The following PLEC variants were observed in gnomAD, a reference collection of about 807,000 sequenced individuals.
PLEC encodes the protein plectin.
PLEC carries 216 observed loss-of-function variants against 392.8 expected under a neutral mutation model. That is an observed-to-expected ratio of 0.55 (90% CI 0.49 to 0.62). The LOEUF (loss-of-function observed/expected upper bound fraction) is 0.62, where lower values mean the gene tolerates loss of function less well. Among genes scored for constraint, PLEC ranks in the 20% least tolerant of loss-of-function variants. The pLI is 0.00. For missense variants in PLEC, 6,863 were observed against 6,563.4 expected, an observed-to-expected ratio of 1.05 and a Z score of -1.58; for synonymous variants, 3,621 against 2,980.6, an observed-to-expected ratio of 1.21 and a Z score of -7.00.
At position 143,921,574 on chromosome 8, in the gene PLEC, G is replaced by A. The variant is rs782598726; in HGVS notation, c.8247C>T (p.Thr2749=). The part of the protein sequence containing the change: ...LLDPVRNRRL[T]VNEAVKEGVV... ...CACCCTCCTTCACAGCCTCGTTGAC[G>A]GTCAGCCGCCGGTTCCGCACAGGGT... is the stretch of plus-strand genomic sequence containing the variant. Residue 2749 remains threonine, a synonymous_variant, in exon 32 of 32, where the codon ACC becomes ACT. Transcript: ENST00000345136. 32 of 1,612,206 alleles carry A rather than the reference G, an allele frequency of 2.0e-5. No homozygotes were observed. The highest frequency in any genetic ancestry group is 4.4e-5 in the South Asian group (4 of 91,022).
Position 143,924,989 on chromosome 8 carries a change from TGCAGCC to T in PLEC, c.4934_4939del (p.Arg1645_Leu1646del). ...CTTCTGCTGCGCCACCTCCTCCGCCTGCAGCCGCAGCCGTAGCGCCTCGTTGGCCTT... is the reference window on the plus strand; with the variant it reads ...CTTCTGCTGCGCCACCTCCTCCGCCTGCAGCCGTAGCGCCTCGTTGGCCTT... On this transcript the variant is annotated inframe_deletion, in exon 31 of 32. Transcript: ENST00000345136. The T allele has an allele frequency of 1.3e-6, 2 of 1,577,992 alleles. No individual in the cohort carries two copies. The highest frequency in any genetic ancestry group is 1.7e-5 in the Admixed American group (1 of 57,798).
intron 5 of PLEC, among the ~76,000 whole-genome samples, chr8:143,936,621 T>C (rs1169954785): frequency 6.6e-6 from 1 of 152,162 alleles, no homozygotes; most frequent in Non-Finnish European, 1.5e-5. Context: ...AGCTCTCAGA[T>C]TTGTGGTTTC....
chr8:143,928,609 G>C (rs1415443254), intron 25 of PLEC, among the ~76,000 whole-genome samples: 5 of 113,936 alleles, frequency 4.4e-5, no homozygotes, highest in Non-Finnish European at 8.0e-5. Context: ...CCTGTGGTTT[G>C]CAACACAGGA....
intron 1 of PLEC, among the ~76,000 whole-genome samples, chr8:143,948,525 C>A (rs1243547208): frequency 6.6e-6 from 1 of 152,202 alleles, no homozygotes; most frequent in African/African-American, 2.4e-5. Flanking sequence ...AAGCTCAGCC[C>A]GTGAGGTCCA....
In PLEC at chr8:143,932,635, C is replaced by T. The variant is rs781871273; in HGVS notation, c.1815G>A (p.Leu605=). 1 of 1,611,236 alleles carries T rather than the reference C, an allele frequency of 6.2e-7. No homozygotes were observed. Among genetic ancestry groups the T allele is most frequent in the South Asian group, 1.1e-5 (1 of 91,012 alleles). The change falls in exon 15 of 32, where the codon CTG becomes CTA. Residue 605 remains leucine (L), a splice_region_variant and synonymous_variant. Coordinates refer to ENST00000345136, the MANE Select transcript of PLEC (RefSeq NM_201384.3). ...CCCGGCTGGCCCTGCCCCCACTCAC[C>T]AGCAGCTTGGCGTACTGCAGGTCCA... The part of the protein sequence containing the change: ...GRLDLQYAKL[L]NSSKARLRSL...
rs782184067 is a variant in PLEC, at chr8:143,916,825, G to A, written c.12996C>T (p.Val4332=). 1.0e-4 allele frequency: 165 copies of A among 1,613,056 alleles called. 6 individuals carry two copies. In the South Asian group the frequency reaches 1.8e-3, roughly 18 times the overall value. The change falls in exon 32 of 32, where the codon GTC becomes GTT. Residue 4332 remains valine, a synonymous_variant. Coordinates refer to ENST00000345136, the MANE Select transcript of PLEC (RefSeq NM_201384.3). ...CCAGGCCCTTGTTGACGGCGTCGGT[G>A]ACAGGGAAGCGCTCACCGGTGCTGG... ...IDPSTGERFP[V]TDAVNKGLVD... is the part of the protein sequence containing the mutation.
At chr8:143,959,288 AG>A (rs2132849382) in intron 1 of PLEC, among the ~76,000 whole-genome samples, 1 of 152,376 alleles carries the variant, frequency 6.6e-6, no homozygotes, top group South Asian at 2.1e-4. Flanking sequence ...CTTCAAACGC[AG>A]TTAAAAGACC....
rs782574465 is a variant in PLEC at position 143,920,900 on chromosome 8, A to G, written c.8921T>C (p.Phe2974Ser). The G allele has an allele frequency of 1.9e-6, 3 of 1,612,052 alleles. No individual in the cohort carries two copies. The highest frequency in any genetic ancestry group is 2.2e-5 in the South Asian group (2 of 91,086). ...EEQEQKGRLC[F>S]EGLRSLVPAA... ...TGGCACCAGGCTGCGCAGGCCCTCA[A>G]AGCAAAGCCGGCCCTTCTGCTCCTG... The change falls in exon 32 of 32, where the codon TTT (phenylalanine) becomes TCT (serine). Residue 2974 changes from phenylalanine to serine, a missense_variant. Transcript: ENST00000345136.
chr8:143,919,188 C>G lies in PLEC; in HGVS notation c.10633G>C (p.Gly3545Arg). 1 of 1,613,882 alleles carries G rather than the reference C, an allele frequency of 6.2e-7. No individual in the cohort carries two copies. The highest frequency in any genetic ancestry group is 8.5e-7 in the Non-Finnish European group (1 of 1,180,044). The change falls in exon 32 of 32, where the codon GGG becomes CGG. Residue 3545 changes from glycine (G) to arginine (R), a missense_variant. Physicochemically the swap from Gly to Arg is moderately radical, Grantham distance 125 (BLOSUM62 -2). Transcript: ENST00000345136. ...ETGLRLLPLK[G>R]AEKAEVVETT... ...TCCACCACCTCAGCCTTCTCCGCCCCTTTCAGTGGCAGAAGGCGCAAGCCC... is the reference window on the plus strand; with the variant it reads ...TCCACCACCTCAGCCTTCTCCGCCCGTTTCAGTGGCAGAAGGCGCAAGCCC...
chr8:143,919,575 C>T lies in PLEC; in HGVS notation c.10246G>A (p.Gly3416Ser). ...TCGTGAAGCTCGGGGCCCACCACGC[C>T]CGCCTTCACGGCCTCGTGGACATAC... is the stretch of plus-strand genomic sequence containing the variant. ...RLYVHEAVKA[G>S]VVGPELHEQL... is the part of the protein sequence containing the mutation. Residue 3416 changes from glycine to serine, a missense_variant, in exon 32 of 32, where the codon GGC becomes AGC. Gly to Ser is a moderately conservative substitution (Grantham distance 56). Coordinates refer to ENST00000345136, the MANE Select transcript of PLEC (RefSeq NM_201384.3). The T allele has an allele frequency of 1.2e-6, 2 of 1,603,800 alleles. No homozygotes were observed. The highest frequency in any genetic ancestry group is 8.5e-7 in the Non-Finnish European group (1 of 1,176,646).
chr8:143,919,229 A>G lies in PLEC; in HGVS notation c.10592T>C (p.Val3531Ala), dbSNP rs1342724954. Residue 3531 changes from valine to alanine, a missense_variant, in exon 32 of 32, where the codon GTG (valine) becomes GCG (alanine). Physicochemically the swap from Val to Ala is moderately conservative, Grantham distance 64. Transcript: ENST00000345136. ...LTYRQLLERC[V>A]EDPETGLRLL... ...GCGCAAGCCCGTCTCGGGGTCCTCC[A>G]CGCACCGCTCCAGCAGCTGCCTGTA... The G allele has an allele frequency of 1.2e-6, 2 of 1,613,758 alleles. No individual in the cohort carries two copies. The highest frequency in any genetic ancestry group is 4.5e-5 in the East Asian group (2 of 44,854).
chr8:143,954,482 C>A (rs1046395897), upstream of PLEC, among the ~76,000 whole-genome samples: 1 of 152,212 alleles, frequency 6.6e-6, no homozygotes, highest in Non-Finnish European at 1.5e-5. The surrounding 1 kb of genome is among the most constrained non-coding windows in gnomAD (Gnocchi z 4.6). Context: ...CTCCTGGCTG[C>A]GCCCCCCAGT....
upstream of PLEC, among the ~76,000 whole-genome samples, chr8:143,958,217 G>T (rs2132839151): frequency 6.6e-6 from 1 of 152,274 alleles, no homozygotes; most frequent in African/African-American, 2.4e-5. The surrounding 1 kb of genome is among the most constrained non-coding windows in gnomAD (Gnocchi z 4.9). Context: ...GCAGGGTGGG[G>T]CTCAGTGCGA....
intron 1 of PLEC, among the ~76,000 whole-genome samples, chr8:143,970,748 C>T (rs1011613976): frequency 6.6e-6 from 1 of 152,210 alleles, no homozygotes; most frequent in Non-Finnish European, 1.5e-5. Context: ...ACTGTCCCCG[C>T]CCTGCCACAC....
In PLEC at chr8:143,973,129, C is replaced by T. The variant is rs1833513131; in HGVS notation, c.70+274G>A. On this transcript the variant is annotated intron_variant, in intron 1 of 31. Coordinates refer to the PLEC transcript ENST00000356346. This position sits in a 1 kb window ranked among gnomAD's most constrained non-coding sequence, Gnocchi z 5.6. ...ACCGGATCCTGGCTCAGACAGCCGA[C>T]CCCGACAAGCCCTGAGCGCCCCCAC... Among the ~76,000 whole-genome samples the T allele has an allele frequency of 6.6e-6, 1 of 152,174 alleles. No homozygotes were observed. Among genetic ancestry groups the T allele is most frequent in the South Asian group, 2.1e-4 (1 of 4,836 alleles).
rs1027716399 is a variant in PLEC at position 143,921,051 on chromosome 8, T to C, written c.8770A>G (p.Ile2924Val). Residue 2924 changes from isoleucine to valine, a missense_variant, in exon 32 of 32, where the codon ATT becomes GTT. Ile to Val is a conservative substitution (Grantham distance 29). Transcript: ENST00000345136. ...FGKFQGKTVT[I>V]WEIINSEYFT... ...TATTCCGAGTTGATGATCTCCCAAA[T>C]GGTCACCGTCTTGCCCTGGAACTTG... 1.9e-6 allele frequency: 3 copies of C among 1,612,378 alleles called. No homozygotes were observed. Among genetic ancestry groups the C allele is most frequent in the African/African-American group, 2.7e-5 (2 of 75,054 alleles).
At chr8:143,935,824 C>T (rs1828900928) in intron 6 of PLEC, 24 bp downstream of exon 6, 1 of 1,611,414 alleles carries the variant, frequency 6.2e-7, no homozygotes, top group East Asian at 2.2e-5. Context: ...CAGCCCACAG[C>T]CCCCTGCCCC....
chr8:143,928,319 A>G (rs1288102121), intron 25 of PLEC, among the ~76,000 whole-genome samples: 1 of 152,264 alleles, frequency 6.6e-6, no homozygotes, highest in African/African-American at 2.4e-5. Flanking sequence ...AGGGCCTGGA[A>G]GCGTAGTTCT....
At position 143,921,771 on chromosome 8, in the gene PLEC, G is replaced by C. The variant is rs35723243; in HGVS notation, c.8050C>G (p.Arg2684Gly). ...QGHTTVDELA[R>G]REDVRHYLQG... ...AGGTAGTGGCGCACGTCTTCCCGCCGTGCGAGCTCGTCCACCGTGGTGTGG... is the reference window on the plus strand; with the variant it reads ...AGGTAGTGGCGCACGTCTTCCCGCCCTGCGAGCTCGTCCACCGTGGTGTGG... Residue 2684 changes from arginine (R) to glycine (G), a missense_variant, in exon 32 of 32, where the codon CGG becomes GGG. Physicochemically the swap from Arg to Gly is moderately radical, Grantham distance 125. Coordinates refer to ENST00000345136, the MANE Select transcript of PLEC (RefSeq NM_201384.3). 2 of 1,611,778 alleles carry C rather than the reference G, an allele frequency of 1.2e-6. No individual in the cohort carries two copies. The highest frequency in any genetic ancestry group is 2.2e-5 in the South Asian group (2 of 91,072).
Sources: allele counts gnomAD v4.1 joint callset (sites outside exome capture counted in the v4.1 genomes callset), GRCh38; gene constraint gnomAD v4.1.1; non-coding constraint Gnocchi (gnomAD v3.1); transcripts MANE v1.5; gene names NCBI Gene and HGNC (gene_info 2026-07-23, HGNC 2026-07-21).